Variants in WWC2 observed in about 807,000 individuals in gnomAD.
WWC2 encodes the protein WW and C2 domain containing 2.
Under a neutral mutation model 138.5 loss-of-function variants are expected in WWC2, and 101 were observed. That is an observed-to-expected ratio of 0.73 (90% confidence interval 0.62 to 0.86). The LOEUF is 0.86. Ranked by LOEUF, WWC2 falls within the 40% of genes least tolerant of loss-of-function variation. WWC2 has a pLI of 0.00. For synonymous variants in WWC2, 558 were observed against 538.4 expected (o/e 1.04, Z -0.50); for missense variants, 1,420 against 1,419.4 (o/e 1.00, Z -0.01).
chr4:183,198,709 C>G (rs538574163), intron 2 of WWC2, among the ~76,000 whole-genome samples: 113 of 144,096 alleles, frequency 7.8e-4, no homozygotes, highest in Non-Finnish European at 1.4e-3. Context: ...GTCCCAGCTA[C>G]TCAGGAGGGT....
rs1197588634 is a variant in WWC2 at position 183,289,427 on chromosome 4, A to G, written c.3176A>G (p.Gln1059Arg). 2 of 1,612,182 alleles carry G rather than the reference A, an allele frequency of 1.2e-6. No individual in the cohort carries two copies. The highest frequency in any genetic ancestry group is 2.2e-5 in the East Asian group (1 of 44,806). The stretch of plus-strand genomic sequence containing the variant: ...CAGTCAGTCCTTAGAAGAACAACAC[A>G]GGAATGCCCAGTGCGGACATCTCTA... Reference protein sequence around the residue: ...VCQSVLRRTTQECPVRTSLDL... With the variant: ...VCQSVLRRTTRECPVRTSLDL... Residue 1059 changes from glutamine (Q) to arginine (R), a missense_variant, in exon 21 of 23, where the codon CAG (glutamine) becomes CGG (arginine). By Grantham distance (43) the Gln-to-Arg change is conservative. Transcript: ENST00000403733.
chr4:183,117,852 A>G (rs574755276), intron 1 of WWC2, among the ~76,000 whole-genome samples: 6 of 151,472 alleles, frequency 4.0e-5, no homozygotes, highest in South Asian at 2.1e-4. Context: ...CCAGGCTGGA[A>G]TGCAATGGTG....
chr4:183,318,146 A>C lies in WWC2; in HGVS notation c.*2417A>C, dbSNP rs1411658146. The C allele has an allele frequency of 6.6e-6, 1 of 152,484 alleles. No homozygotes were observed. The highest frequency in any genetic ancestry group is 1.5e-5 in the Non-Finnish European group (1 of 68,034). The allele number at this position is 152,484 out of a possible 1,614,324, so 9.4% of individuals were successfully genotyped here. ...ATTCGCACAGGGTAAAAAGAATGTA[A>C]TATTTAGTTCTCAAGTTTGAATTAT... On this transcript the variant is annotated 3_prime_UTR_variant, in exon 23 of 23. Transcript: ENST00000403733.
rs532552804 is a variant in WWC2, at chr4:183,312,557, T to C, written c.3512+89T>C. The stretch of plus-strand genomic sequence containing the variant: ...CACCTCAGTGCAGTGAAAGTTAATA[T>C]GAGGATCCGAGACAGAAGTCCTCTG... On this transcript the variant is annotated intron_variant, in intron 22 of 22. Transcript: ENST00000403733. The C allele has an allele frequency of 1.0e-5, 16 of 1,567,870 alleles. No homozygotes were observed. The South Asian group carries it at 1.4e-4, about 13-fold the overall frequency.
intron 1 of WWC2, among the ~76,000 whole-genome samples, chr4:183,172,869 A>G (rs906516566): frequency 1.3e-5 from 2 of 151,812 alleles, no homozygotes; most frequent in Admixed American, 1.3e-4. Context: ...TTGGTTGTTC[A>G]CTTTCCTTAT....
chr4:183,242,509 T>C (rs918244390), intron 5 of WWC2, among the ~76,000 whole-genome samples: 1 of 152,220 alleles, frequency 6.6e-6, no homozygotes, highest in Non-Finnish European at 1.5e-5. Flanking sequence ...GACTTCGGCC[T>C]AAGCAGCAGT....
Position 183,279,297 on chromosome 4 carries a change from G to T in WWC2, c.2563-1479G>T, listed in dbSNP as rs987780279. On this transcript the variant is annotated intron_variant, in intron 16 of 22. Transcript: ENST00000403733. ...TTACATTTATTGATTTGCGTATATT[G>T]AACCAGCCTTGCATCCCAGGGATGA... Among the ~76,000 whole-genome samples the T allele has an allele frequency of 9.9e-5, 15 of 151,804 alleles. 1 individual carries two copies. Among genetic ancestry groups the T allele is most frequent in the African/African-American group, 3.4e-4 (14 of 41,246 alleles).
chr4:183,309,535 A>G (rs1560898793), intron 21 of WWC2, among the ~76,000 whole-genome samples: 1 of 152,256 alleles, frequency 6.6e-6, no homozygotes, highest in African/African-American at 2.4e-5. Context: ...ATACCTCTAC[A>G]CACCTGTTAG....
At chr4:183,177,777 C>CT (rs1200108367) in intron 1 of WWC2, among the ~76,000 whole-genome samples, 2 of 152,074 alleles carry the variant, frequency 1.3e-5, no homozygotes, top group Admixed American at 1.3e-4. Flanking sequence ...GCCTGAGAAG[C>CT]TACAGGTGCA....
At chr4:183,291,318 A>G (rs909408152) in intron 21 of WWC2, among the ~76,000 whole-genome samples, 3 of 152,158 alleles carry the variant, frequency 2.0e-5, no homozygotes, top group Admixed American at 1.3e-4. Flanking sequence ...GCTCCAGACA[A>G]TGGAGGGCTG....
Position 183,243,784 on chromosome 4 carries a change from T to C in WWC2, c.603-1632T>C, listed in dbSNP as rs1410040486. Among the ~76,000 whole-genome samples, 166 of 146,342 alleles carry C rather than the reference T, an allele frequency of 1.1e-3. 1 individual carries two copies. The highest frequency in any genetic ancestry group is 4.1e-3 in the African/African-American group (161 of 39,324). ...GTGTGTGTGTGTGTGTGTGTGTGTG[T>C]GTGTGTGCATGTGTTTAATCTGTGA... is the stretch of plus-strand genomic sequence containing the variant. On this transcript the variant is annotated intron_variant, in intron 5 of 22. Coordinates refer to ENST00000403733, the MANE Select transcript of WWC2 (RefSeq NM_024949.6).
At chr4:183,245,859 A>T (rs1736760525) in intron 6 of WWC2, among the ~76,000 whole-genome samples, 1 of 152,128 alleles carries the variant, frequency 6.6e-6, no homozygotes, top group South Asian at 2.1e-4. Flanking sequence ...CTCACTGAAA[A>T]CTTCATATGA....
chr4:183,297,791 C>T (rs575198086), intron 21 of WWC2, among the ~76,000 whole-genome samples: 12 of 152,316 alleles, frequency 7.9e-5, no homozygotes, highest in Admixed American at 6.5e-5. Flanking sequence ...AGGAGATGGC[C>T]GCTAGTGTGC....
intron 1 of WWC2, among the ~76,000 whole-genome samples, chr4:183,125,834 C>T (rs1327300415): frequency 1.3e-5 from 2 of 152,186 alleles, no homozygotes; most frequent in African/African-American, 4.8e-5. Flanking sequence ...CCCTCATTCC[C>T]AGCTGCATGG....
intron 21 of WWC2, among the ~76,000 whole-genome samples, chr4:183,295,945 G>A (rs1312116438): frequency 6.6e-6 from 1 of 152,234 alleles, no homozygotes; most frequent in African/African-American, 2.4e-5. Flanking sequence ...CTCTTTGGGA[G>A]CTGTCATCTC....
intron 6 of WWC2, 130 bp downstream of exon 6, chr4:183,245,675 G>A: frequency 1.9e-6 from 2 of 1,076,298 alleles, no homozygotes; most frequent in Non-Finnish European, 2.5e-6. Flanking sequence ...TGCAGAATGG[G>A]CCCTGTGGAG....
intron 1 of WWC2, among the ~76,000 whole-genome samples, chr4:183,103,732 G>C (rs1392594278): frequency 6.6e-6 from 1 of 150,856 alleles, no homozygotes; most frequent in Non-Finnish European, 1.5e-5. Context: ...CCGCCGCCTG[G>C]GTTCAAGTGA....
chr4:183,175,036 G>T lies in WWC2; in HGVS notation c.132-18563G>T, dbSNP rs533225757. Among the ~76,000 whole-genome samples, 40 of 151,804 alleles carry T rather than the reference G, an allele frequency of 2.6e-4. No individual in the cohort carries two copies. In the East Asian group the frequency reaches 7.7e-3, roughly 29 times the overall value. On this transcript the variant is annotated intron_variant, in intron 1 of 22. Transcript: ENST00000403733. Reference sequence around the variant, plus strand: ...TTATGTCTATATTTTCTCTCTTGCTGTAACATTTGAAGGTAAGGTACAGAC... The same window carrying T: ...TTATGTCTATATTTTCTCTCTTGCTTTAACATTTGAAGGTAAGGTACAGAC...
chr4:183,101,651 T>C (rs540220155), intron 1 of WWC2, among the ~76,000 whole-genome samples: 2 of 152,312 alleles, frequency 1.3e-5, no homozygotes, highest in African/African-American at 4.8e-5. Flanking sequence ...TCTTACTAAA[T>C]AGAGTAAGAG....
Sources: allele counts gnomAD v4.1 joint callset (sites outside exome capture counted in the v4.1 genomes callset), GRCh38; gene constraint gnomAD v4.1.1; transcripts MANE v1.5; gene names NCBI Gene and HGNC (gene_info 2026-07-23, HGNC 2026-07-21).